The following DCC variants were observed in gnomAD, a reference collection of about 807,000 sequenced individuals.
The protein encoded by DCC is netrin receptor DCC.
Under a neutral mutation model 172.5 loss-of-function variants are expected in DCC, and 58 were observed. The ratio of observed to expected loss-of-function variants is 0.34; its 90% confidence interval spans 0.27 to 0.42. The LOEUF (loss-of-function observed/expected upper bound fraction) is 0.42. DCC is among the 10% of genes least tolerant of loss of function. The pLI, the probability that DCC is intolerant of heterozygous loss-of-function variation, is 1.00. For synonymous variants in DCC, 709 were observed against 644.5 expected (o/e 1.10, Z -1.52); for missense variants, 1,740 against 1,791.0 (o/e 0.97, Z 0.51).
At chr18:52,851,805 TA>T (rs1355776801) in intron 2 of DCC, among the ~76,000 whole-genome samples, 1 of 152,128 alleles carries the variant, frequency 6.6e-6, no homozygotes, top group Non-Finnish European at 1.5e-5. Context: ...GAAAGAAATG[TA>T]AATTTCAAAA....
intron 1 of DCC, among the ~76,000 whole-genome samples, chr18:52,703,398 C>G (rs2036157700): frequency 6.6e-6 from 1 of 152,186 alleles, no homozygotes; most frequent in Non-Finnish European, 1.5e-5. Context: ...TTCCAGTTGT[C>G]AAATCTGATG....
chr18:52,468,749 T>C (rs1221977), intron 1 of DCC, among the ~76,000 whole-genome samples: 37,945 of 152,154 alleles, frequency 0.25, 5,640 homozygotes, highest in Non-Finnish European at 0.33. Context: ...TTGTCTGATT[T>C]TCACATGATT....
intron 1 of DCC, among the ~76,000 whole-genome samples, chr18:52,567,378 A>G (rs574423733): frequency 6.6e-6 from 1 of 152,232 alleles, no homozygotes; most frequent in East Asian, 1.9e-4. Flanking sequence ...ATTGATCAAA[A>G]TGGCAGGAAA....
intron 1 of DCC, among the ~76,000 whole-genome samples, chr18:52,348,722 T>C (rs921438189): frequency 6.6e-6 from 1 of 152,196 alleles, no homozygotes; most frequent in Admixed American, 6.5e-5. Context: ...ATCAGTAGTC[T>C]AATGTTCAGG....
chr18:53,401,473 T>A (rs1484583650), intron 18 of DCC, among the ~76,000 whole-genome samples: 1 of 152,226 alleles, frequency 6.6e-6, no homozygotes, highest in Non-Finnish European at 1.5e-5. Context: ...GAATGATTGA[T>A]GTCTCCTCTA....
intron 1 of DCC, among the ~76,000 whole-genome samples, chr18:52,381,095 A>G (rs1985565600): frequency 6.6e-6 from 1 of 152,160 alleles, no homozygotes; most frequent in Non-Finnish European, 1.5e-5. Flanking sequence ...GGCACTAATT[A>G]TTTCTTAAGT....
chr18:53,269,327 C>T (rs890570829), intron 12 of DCC, among the ~76,000 whole-genome samples: 3 of 152,098 alleles, frequency 2.0e-5, no homozygotes, highest in African/African-American at 7.2e-5. Context: ...TTTGCCAAAT[C>T]AAAACAGGTT....
At chr18:52,592,533 A>G (rs547586761) in intron 1 of DCC, among the ~76,000 whole-genome samples, 1 of 152,320 alleles carries the variant, frequency 6.6e-6, no homozygotes, top group Non-Finnish European at 1.5e-5. Context: ...CTGGAGAAAT[A>G]TTGACTTTGT....
intron 1 of DCC, among the ~76,000 whole-genome samples, chr18:52,661,566 G>C (rs1219235576): frequency 6.6e-6 from 1 of 152,232 alleles, no homozygotes; most frequent in Non-Finnish European, 1.5e-5. Context: ...GGAGATGGGA[G>C]AATTCCTCTC....
chr18:52,406,780 C>T (rs1986668375), intron 1 of DCC, among the ~76,000 whole-genome samples: 1 of 151,952 alleles, frequency 6.6e-6, no homozygotes, highest in Non-Finnish European at 1.5e-5. Context: ...CCTCAAAGCT[C>T]CAGAGACTGT....
At chr18:53,244,722 C>T (rs1428086840) in intron 12 of DCC, among the ~76,000 whole-genome samples, 1 of 151,964 alleles carries the variant, frequency 6.6e-6, no homozygotes, top group Non-Finnish European at 1.5e-5. Context: ...GGGAGTGCAC[C>T]AAGTGGAATG....
chr18:52,844,618 G>T (rs1476802424), intron 2 of DCC, among the ~76,000 whole-genome samples: 1 of 152,086 alleles, frequency 6.6e-6, no homozygotes, highest in African/African-American at 2.4e-5. Flanking sequence ...AATCATGCTG[G>T]ATTATGTAGA....
At position 53,499,155 on chromosome 18, in the gene DCC, G is replaced by T. The variant is rs530367605; in HGVS notation, c.3899-143G>T. 7 of 788,858 alleles carry T rather than the reference G, an allele frequency of 8.9e-6. No homozygotes were observed. In the Admixed American group the frequency reaches 1.2e-4, roughly 13 times the overall value. 48.9% of individuals were successfully genotyped at this position (788,858 alleles called of 1,614,324 possible). ...GTTCCGTAAGTATATGAAGGTAGAC[G>T]AATGACAATGTTCATAACTTGGAGA... On this transcript the variant is annotated intron_variant, in intron 26 of 28. Coordinates refer to ENST00000442544, the MANE Select transcript of DCC (RefSeq NM_005215.4).
At chr18:53,289,844 G>T (rs966914444) in intron 12 of DCC, among the ~76,000 whole-genome samples, 1 of 152,010 alleles carries the variant, frequency 6.6e-6, no homozygotes, top group African/African-American at 2.4e-5. Flanking sequence ...AGTATAGACT[G>T]GGATAAAGGA....
intron 2 of DCC, among the ~76,000 whole-genome samples, chr18:52,872,589 A>G (rs531356644): frequency 4.6e-5 from 7 of 152,180 alleles, no homozygotes; most frequent in Admixed American, 1.3e-4. Flanking sequence ...TCACTTTATA[A>G]AAAGAACAGG....
intron 12 of DCC, among the ~76,000 whole-genome samples, chr18:53,288,970 G>A (rs1037327555): frequency 6.6e-6 from 1 of 152,094 alleles, no homozygotes; most frequent in Non-Finnish European, 1.5e-5. Flanking sequence ...TGTGGGTTCT[G>A]AGTATCTGGA....
chr18:52,862,688 A>AAAAAT (rs2039162177), intron 2 of DCC, among the ~76,000 whole-genome samples: 1 of 152,130 alleles, frequency 6.6e-6, no homozygotes, highest in Non-Finnish European at 1.5e-5. Context: ...ACAGAGCAAG[A>AAAAAT]CTGTTGTCTC....
At chr18:52,757,784 A>C (rs533504700) in intron 2 of DCC, among the ~76,000 whole-genome samples, 1 of 152,166 alleles carries the variant, frequency 6.6e-6, no homozygotes, top group Admixed American at 6.5e-5. Flanking sequence ...ATTACCTTGT[A>C]ATGCTCAGAA....
chr18:53,490,232 C>T (rs1269950940), intron 26 of DCC, among the ~76,000 whole-genome samples: 4 of 151,816 alleles, frequency 2.6e-5, no homozygotes, highest in Admixed American at 2.6e-4. Context: ...TAAAAAAATA[C>T]AGGCTGTAAG....
Sources: allele counts gnomAD v4.1 joint callset (sites outside exome capture counted in the v4.1 genomes callset), GRCh38; gene constraint gnomAD v4.1.1; transcripts MANE v1.5; gene names NCBI Gene and HGNC (gene_info 2026-07-23, HGNC 2026-07-21).